The following ST18 variants were observed in gnomAD, a reference collection of about 807,000 sequenced individuals.
ST18 encodes suppression of tumorigenicity 18 protein.
Under a neutral mutation model 110.0 loss-of-function variants are expected in ST18, and 50 were observed. The observed-to-expected ratio is 0.45, with a 90% confidence interval of 0.36 to 0.58. ST18 has a LOEUF of 0.58. Among genes scored for constraint, ST18 ranks in the 20% least tolerant of loss-of-function variants. The pLI is 0.00. For synonymous variants in ST18, 461 were observed against 452.4 expected (o/e 1.02, Z -0.24); for missense variants, 1,306 against 1,280.1 (o/e 1.02, Z -0.31).
At chr8:52,324,147 T>A (rs1450121272) in intron 2 of ST18, among the ~76,000 whole-genome samples, 1 of 152,108 alleles carries the variant, frequency 6.6e-6, no homozygotes, top group Non-Finnish European at 1.5e-5. Context: ...GGTGTTTGGG[T>A]CCCTTCTGAG....
At chr8:52,178,642 AACCACC>A (rs2067993560) in intron 9 of ST18, among the ~76,000 whole-genome samples, 1 of 109,944 alleles carries the variant, frequency 9.1e-6, no homozygotes, top group African/African-American at 6.7e-5. Flanking sequence ...AAAAAAAAAA[AACCACC>A]AAAAACCAAA....
At position 52,372,212 on chromosome 8, in the gene ST18, T is replaced by C. The variant is rs1343653573; in HGVS notation, c.-465+37116A>G. On this transcript the variant is annotated intron_variant, in intron 2 of 25. Transcript: ENST00000689386. Reference sequence around the variant, plus strand: ...GGTCTTAGTTTTTAACAAAAAAGTTTTTAAAATTTTTTTAAAAGTAGTAAA... The same window carrying C: ...GGTCTTAGTTTTTAACAAAAAAGTTCTTAAAATTTTTTTAAAAGTAGTAAA... Among the ~76,000 whole-genome samples the C allele has an allele frequency of 2.0e-5, 3 of 152,302 alleles. No individual in the cohort carries two copies. The East Asian group carries it at 5.8e-4, about 29-fold the overall frequency.
chr8:52,265,391 G>A (rs557519952), intron 2 of ST18, among the ~76,000 whole-genome samples: 1 of 152,340 alleles, frequency 6.6e-6, no homozygotes, highest in South Asian at 2.1e-4. Context: ...GCTCCAGCTA[G>A]AGGATAAACA....
chr8:52,141,005 A>T (rs557318809), intron 17 of ST18, among the ~76,000 whole-genome samples: 2 of 152,274 alleles, frequency 1.3e-5, no homozygotes, highest in East Asian at 3.9e-4. Flanking sequence ...GTTAGAAGTG[A>T]CTTCTAAGGT....
chr8:52,193,802 T>C (rs1588149162), intron 8 of ST18, among the ~76,000 whole-genome samples: 1 of 152,372 alleles, frequency 6.6e-6, no homozygotes, highest in African/African-American at 2.4e-5. Flanking sequence ...GGATAATCCC[T>C]GAACTTCATG....
intron 9 of ST18, among the ~76,000 whole-genome samples, chr8:52,176,311 C>G (rs536815755): frequency 6.6e-6 from 1 of 152,124 alleles, no homozygotes; most frequent in Admixed American, 6.5e-5. Context: ...CGTGAGCCAC[C>G]GCGCCTGGCC....
chr8:52,208,064 G>A (rs547770632), intron 8 of ST18, among the ~76,000 whole-genome samples: 8 of 152,144 alleles, frequency 5.3e-5, no homozygotes, highest in Non-Finnish European at 1.2e-4. Flanking sequence ...GTGGGCCTGT[G>A]GTTATAAATT....
intron 14 of ST18, 91 bp from the exon 15 acceptor site, chr8:52,159,200 T>A: frequency 1.7e-6 from 2 of 1,208,868 alleles, no homozygotes; most frequent in Non-Finnish European, 2.3e-6. Context: ...CTTCTTGCAT[T>A]AAAATATGTG....
chr8:52,188,589 G>A (rs939017026), intron 8 of ST18, among the ~76,000 whole-genome samples: 2 of 152,118 alleles, frequency 1.3e-5, no homozygotes, highest in Admixed American at 6.5e-5. Flanking sequence ...ATAGAGTGAC[G>A]GGCTGATTTG....
intron 12 of ST18, 128 bp from the exon 13 acceptor site, chr8:52,164,218 C>T (rs1286769283): frequency 6.0e-5 from 45 of 747,470 alleles, no homozygotes; most frequent in Non-Finnish European, 7.4e-5. Context: ...CTTAGCACCA[C>T]GCACACACTG....
intron 2 of ST18, among the ~76,000 whole-genome samples, chr8:52,352,220 C>T (rs1168938986): frequency 1.3e-5 from 2 of 152,062 alleles, no homozygotes; most frequent in African/African-American, 2.4e-5. Flanking sequence ...GAGTGAGAGG[C>T]GATGGAGAAA....
chr8:52,130,102 G>GAAAGAAAGAAAGAAAGA (rs1388233630), intron 22 of ST18, among the ~76,000 whole-genome samples: 1 of 94,246 alleles, frequency 1.1e-5, no homozygotes, highest in Admixed American at 1.2e-4. Context: ...GAAAAAGAAA[G>GAAAGAAAGAAAGAAAGA]AAAGAAAGAA....
intron 2 of ST18, among the ~76,000 whole-genome samples, chr8:52,232,341 T>C (rs2091648644): frequency 6.6e-6 from 1 of 152,186 alleles, no homozygotes; most frequent in Admixed American, 6.5e-5. Context: ...TTATCAAATA[T>C]AAGCTCACAA....
At chr8:52,126,794 A>G (rs918615413) in intron 22 of ST18, among the ~76,000 whole-genome samples, 2 of 152,244 alleles carry the variant, frequency 1.3e-5, no homozygotes, top group African/African-American at 4.8e-5. Flanking sequence ...GAGGCAGTCT[A>G]TTACATTGCA....
At chr8:52,128,554 G>A (rs1286907297) in intron 22 of ST18, among the ~76,000 whole-genome samples, 1 of 152,012 alleles carries the variant, frequency 6.6e-6, no homozygotes, top group Non-Finnish European at 1.5e-5. Flanking sequence ...AAGGTTTGAA[G>A]GTAGTTATTA....
intron 2 of ST18, among the ~76,000 whole-genome samples, chr8:52,354,008 C>T (rs915136553): frequency 2.0e-5 from 3 of 152,236 alleles, no homozygotes; most frequent in Non-Finnish European, 2.9e-5. Flanking sequence ...TGCTGAACAG[C>T]GTCTTCCGAA....
intron 2 of ST18, among the ~76,000 whole-genome samples, chr8:52,325,994 G>A (rs187595190): frequency 6.6e-6 from 1 of 152,162 alleles, no homozygotes; most frequent in Admixed American, 6.5e-5. Context: ...AGAATACCTA[G>A]TCATTGTGTC....
intron 3 of ST18, among the ~76,000 whole-genome samples, chr8:52,229,386 G>T (rs1051923857): frequency 2.6e-5 from 4 of 152,196 alleles, no homozygotes; most frequent in Non-Finnish European, 5.9e-5. Context: ...TCATTGGGCT[G>T]TTGGTGGAAT....
chr8:52,367,233 G>GCCACACACACACACACAC (rs1564591511), intron 2 of ST18, among the ~76,000 whole-genome samples: 36 of 131,276 alleles, frequency 2.7e-4, no homozygotes, highest in Non-Finnish European at 4.2e-4. Flanking sequence ...GCGGGACCCT[G>GCCACACACACACACACAC]TCTCACACAC....
Sources: gnomAD v4.1 joint callset for allele counts (sites outside exome capture counted in the v4.1 genomes callset) on GRCh38, gnomAD v4.1.1 for gene constraint, MANE v1.5 for transcripts, NCBI Gene and HGNC (gene_info 2026-07-23, HGNC 2026-07-21) for gene names.